MAPRE2: variants seen among roughly 807,000 people sequenced by gnomAD.
MAPRE2 encodes microtubule associated protein RP/EB family member 2.
MAPRE2 carries 13 observed loss-of-function variants against 43.2 expected under a neutral mutation model. The observed-to-expected ratio is 0.30, with a 90% CI of 0.20 to 0.48. MAPRE2 has a LOEUF of 0.48. Ranked by LOEUF, MAPRE2 falls within the 20% of genes least tolerant of loss-of-function variation. The pLI is 0.99. For missense variants in MAPRE2, 161 were observed against 400.2 expected, an observed-to-expected ratio of 0.40 and a Z score of 5.10; for synonymous variants, 135 against 148.8, an observed-to-expected ratio of 0.91 and a Z score of 0.68.
chr18:35,117,794 T>C (rs1909478610), intron 4 of MAPRE2, among the ~76,000 whole-genome samples: 1 of 152,198 alleles, frequency 6.6e-6, no homozygotes, highest in Admixed American at 6.5e-5. Flanking sequence ...ATACTTAATG[T>C]GTTTTAAAGG....
intron 2 of MAPRE2, among the ~76,000 whole-genome samples, chr18:35,020,891 T>C (rs2097041553): frequency 6.6e-6 from 1 of 152,152 alleles, no homozygotes; most frequent in South Asian, 2.1e-4. Flanking sequence ...GTTGGAAAAA[T>C]TGCCATTGCT....
chr18:34,986,065 G>T (rs2097020838), intron 1 of MAPRE2, among the ~76,000 whole-genome samples: 1 of 152,050 alleles, frequency 6.6e-6, no homozygotes. Context: ...TGGCAGGAAT[G>T]ACTATCGGTA....
intron 1 of MAPRE2, among the ~76,000 whole-genome samples, chr18:35,059,673 T>C (rs1333478543): frequency 1.3e-5 from 2 of 152,116 alleles, no homozygotes; most frequent in East Asian, 1.9e-4. Flanking sequence ...TGGGAGTAAC[T>C]GGAAGCGGCC....
At chr18:35,010,269 G>C (rs553235397) in intron 2 of MAPRE2, among the ~76,000 whole-genome samples, 20 of 152,268 alleles carry the variant, frequency 1.3e-4, no homozygotes, top group African/African-American at 4.8e-4. Flanking sequence ...TAGCCAGTGT[G>C]GTGGCCCATG....
intron 1 of MAPRE2, among the ~76,000 whole-genome samples, chr18:35,059,546 A>G (rs961726621): frequency 3.3e-5 from 5 of 152,224 alleles, no homozygotes; most frequent in African/African-American, 4.8e-5. Context: ...AACATATTCT[A>G]TAAAGTTTCT....
intron 2 of MAPRE2, among the ~76,000 whole-genome samples, chr18:35,034,860 C>A (rs980455620): frequency 6.6e-6 from 1 of 152,136 alleles, no homozygotes; most frequent in African/African-American, 2.4e-5. Flanking sequence ...AGTCAGGAAA[C>A]AACAGGTGCT....
chr18:35,045,025 G>A (rs943430229), intron 1 of MAPRE2, among the ~76,000 whole-genome samples: 2 of 152,188 alleles, frequency 1.3e-5, no homozygotes, highest in African/African-American at 2.4e-5. Context: ...CCCTGGATTA[G>A]TAATTCCAAT....
intron 1 of MAPRE2, among the ~76,000 whole-genome samples, chr18:34,978,722 A>G (rs2097014533): frequency 6.6e-6 from 1 of 152,186 alleles, no homozygotes. Flanking sequence ...AGTTAGGGGT[A>G]AGATAAGAGG....
At chr18:35,079,898 AGT>A (rs1317278094) in intron 2 of MAPRE2, among the ~76,000 whole-genome samples, 2 of 152,382 alleles carry the variant, frequency 1.3e-5, no homozygotes, top group South Asian at 2.1e-4. Context: ...AAGAAGTTGC[AGT>A]GTTTTGTGCA....
At chr18:34,988,589 A>G (rs2097022195) in intron 1 of MAPRE2, 1 of 152,158 alleles carries the variant, frequency 6.6e-6, no homozygotes, top group Non-Finnish European at 1.5e-5. Context: ...TCTGCTTCAT[A>G]TAGGGCTGCA....
intron 4 of MAPRE2, among the ~76,000 whole-genome samples, chr18:35,110,700 A>G (rs781256054): frequency 5.9e-5 from 9 of 152,006 alleles, no homozygotes; most frequent in Non-Finnish European, 1.2e-4. Flanking sequence ...CTTAAAGAAT[A>G]TTTTCACTTG....
chr18:35,106,547 A>G (rs1037527924), intron 4 of MAPRE2, among the ~76,000 whole-genome samples: 1 of 152,176 alleles, frequency 6.6e-6, no homozygotes, highest in African/African-American at 2.4e-5. Context: ...AGCATGCACC[A>G]GAGATTGCTT....
rs184099827 is a variant in MAPRE2, at chr18:35,134,284, T to C, written c.909+2094T>C. ...CTGAAATCTGAATCCTGAGTTTATG[T>C]TCTCCCTTCTCCAAGTCTGAGGCAC... On this transcript the variant is annotated intron_variant, in intron 6 of 6. Transcript: ENST00000300249. 7.9e-5 allele frequency among the ~76,000 whole-genome samples: 12 copies of C among 152,352 alleles called. No individual in the cohort carries two copies. In the East Asian group the frequency reaches 2.3e-3, roughly 29 times the overall value.
At chr18:34,986,996 T>C (rs1212235193) in intron 1 of MAPRE2, among the ~76,000 whole-genome samples, 8 of 152,152 alleles carry the variant, frequency 5.3e-5, no homozygotes, top group African/African-American at 1.9e-4. Flanking sequence ...TATGAGATAA[T>C]GAATTAAAAA....
In MAPRE2 at chr18:35,126,926, CATTT is replaced by C. The variant is rs770479427; in HGVS notation, c.611-18_611-15del. On this transcript the variant is annotated intron_variant, in intron 4 of 6. Coordinates refer to ENST00000300249, the MANE Select transcript of MAPRE2 (RefSeq NM_014268.4). ...CACTTTTAATATTGCCAGTATTTAT[CATTT>C]ATTCTGATTGCTTTCAGGTGCAGCT... 86 of 1,610,372 alleles carry C rather than the reference CATTT, an allele frequency of 5.3e-5. No individual in the cohort carries two copies. The East Asian group carries it at 1.3e-3, about 25-fold the overall frequency.
intron 2 of MAPRE2, among the ~76,000 whole-genome samples, chr18:35,080,993 T>A (rs1407575669): frequency 6.6e-6 from 1 of 152,220 alleles, no homozygotes; most frequent in East Asian, 1.9e-4. Context: ...GAGTCCTGTT[T>A]CCTGCAGTTT....
chr18:35,063,257 C>T (rs575200157), intron 1 of MAPRE2, among the ~76,000 whole-genome samples: 6 of 152,238 alleles, frequency 3.9e-5, no homozygotes, highest in East Asian at 3.9e-4. Context: ...GCGCACACCA[C>T]CACGCCTGGC....
At chr18:35,092,316 C>T (rs560196751) in intron 2 of MAPRE2, among the ~76,000 whole-genome samples, 1 of 152,290 alleles carries the variant, frequency 6.6e-6, no homozygotes, top group South Asian at 2.1e-4. Flanking sequence ...TAAATCCACA[C>T]GTTTGTAGCC....
chr18:34,999,067 A>G (rs576678205), intron 1 of MAPRE2, among the ~76,000 whole-genome samples: 1 of 152,162 alleles, frequency 6.6e-6, no homozygotes, highest in South Asian at 2.1e-4. Flanking sequence ...TGACCCAAAC[A>G]CTAAACTTGA....
Sources: gnomAD v4.1 joint callset for allele counts (sites outside exome capture counted in the v4.1 genomes callset) on GRCh38, gnomAD v4.1.1 for gene constraint, MANE v1.5 for transcripts, NCBI Gene and HGNC (gene_info 2026-07-23, HGNC 2026-07-21) for gene names.